Variants in NFATC3 observed in about 807,000 individuals in gnomAD.
NFATC3 encodes nuclear factor of activated T-cells, cytoplasmic 3.
In NFATC3, 46 loss-of-function variants were observed where a neutral mutation model predicts 98.6. The ratio of observed to expected loss-of-function variants is 0.47; its 90% confidence interval spans 0.37 to 0.60. NFATC3 has a LOEUF of 0.60. Among genes scored for constraint, NFATC3 ranks in the 20% least tolerant of loss-of-function variants. The pLI is 0.00. For synonymous variants in NFATC3, 512 were observed against 472.2 expected (o/e 1.08, Z -1.09); for missense variants, 1,256 against 1,295.5 (o/e 0.97, Z 0.47).
At chr16:68,118,952 C>T (rs1291468389) in intron 1 of NFATC3, among the ~76,000 whole-genome samples, 1 of 152,180 alleles carries the variant, frequency 6.6e-6, no homozygotes, top group Non-Finnish European at 1.5e-5. Flanking sequence ...ACTGCAAGCT[C>T]TGCCTCCTGG....
intron 8 of NFATC3, among the ~76,000 whole-genome samples, chr16:68,189,697 T>C (rs1421349984): frequency 6.6e-6 from 1 of 152,212 alleles, no homozygotes; most frequent in East Asian, 1.9e-4. Context: ...TGTTTTGTAG[T>C]TTTCAGTTAT....
chr16:68,167,218 A>G (rs1010706022), intron 5 of NFATC3, among the ~76,000 whole-genome samples: 8 of 152,320 alleles, frequency 5.3e-5, no homozygotes, highest in Admixed American at 2.6e-4. Flanking sequence ...TTCTCATGAT[A>G]GTTTGACTAG....
intron 9 of NFATC3, chr16:68,221,412 C>G: frequency 1.4e-6 from 2 of 1,454,526 alleles, no homozygotes; most frequent in Non-Finnish European, 9.1e-7. Flanking sequence ...TGTTGCAGTT[C>G]TGACTCCCTA....
At chr16:68,186,049 A>G (rs193210629) in intron 8 of NFATC3, among the ~76,000 whole-genome samples, 3 of 152,308 alleles carry the variant, frequency 2.0e-5, no homozygotes, top group Admixed American at 2.0e-4. Context: ...TATGGTTGAT[A>G]GATGACAAAT....
chr16:68,189,897 C>T (rs1046714379), intron 8 of NFATC3, among the ~76,000 whole-genome samples: 1 of 151,986 alleles, frequency 6.6e-6, no homozygotes, highest in African/African-American at 2.4e-5. Context: ...GACTTTGTCT[C>T]CACAAAAAAT....
chr16:68,193,850 AAC>A (rs1165470747), intron 9 of NFATC3, among the ~76,000 whole-genome samples: 12 of 152,146 alleles, frequency 7.9e-5, no homozygotes, highest in East Asian at 5.8e-4. Flanking sequence ...CAAGTCAGAT[AAC>A]ACAGCAGAAA....
At chr16:68,158,829 CTT>C (rs2038743975) in intron 4 of NFATC3, among the ~76,000 whole-genome samples, 1 of 152,164 alleles carries the variant, frequency 6.6e-6, no homozygotes, top group Admixed American at 6.5e-5. Flanking sequence ...GTCAAATCCT[CTT>C]TTAAGAACCT....
chr16:68,112,286 TTTTTTTTTTG>T (rs1255689827), intron 1 of NFATC3, among the ~76,000 whole-genome samples: 2 of 140,402 alleles, frequency 1.4e-5, no homozygotes, highest in Admixed American at 7.1e-5. Flanking sequence ...TTTTTTTTTT[TTTTTTTTTTG>T]AGATGGAGTC....
chr16:68,191,674 C>T lies in NFATC3; in HGVS notation c.3005C>T (p.Ser1002Leu), dbSNP rs772621755. 1.4e-5 allele frequency: 22 copies of T among 1,614,050 alleles called. No homozygotes were observed. Among genetic ancestry groups the T allele is most frequent in the Non-Finnish European group, 1.8e-5 (21 of 1,180,040 alleles). Residue 1002 changes from serine (S) to leucine (L), a missense_variant, in exon 9 of 10, where the codon TCA becomes TTA. Coordinates refer to ENST00000346183, the MANE Select transcript of NFATC3 (RefSeq NM_173165.3). ...LICHSLCDPASFPPDGATVSI... is the reference protein window; with the variant it reads ...LICHSLCDPALFPPDGATVSI... ...TGTCACAGTTTGTGTGATCCAGCGT[C>T]ATTTCCACCTGATGGGGCAACTGTG...
chr16:68,225,647 T>G (rs1806724312), intron 9 of NFATC3: 1 of 152,254 alleles, frequency 6.6e-6, no homozygotes, highest in Non-Finnish European at 1.5e-5. Context: ...TGTTTTCACT[T>G]CTCTTGTAAA....
At chr16:68,213,191 G>A (rs2041489893) in intron 9 of NFATC3, among the ~76,000 whole-genome samples, 1 of 150,986 alleles carries the variant, frequency 6.6e-6, no homozygotes, top group South Asian at 2.1e-4. Context: ...CGAGGTGGGT[G>A]GATCACAAGG....
rs191062378 is a variant in NFATC3 at position 68,112,643 on chromosome 16, T to A, written c.104-9344T>A. On this transcript the variant is annotated intron_variant, in intron 1 of 9. Coordinates refer to ENST00000346183, the MANE Select transcript of NFATC3 (RefSeq NM_173165.3). ...GTTCATTTCTTTTCATTTTTTCTTT[T>A]TCGTTTTTTTTTTTTTTTTTTTTTT... 5.7e-3 allele frequency among the ~76,000 whole-genome samples: 851 copies of A among 148,424 alleles called. 9 individuals carry two copies. The highest frequency in any genetic ancestry group is 0.014 in the Middle Eastern group (4 of 290).
chr16:68,221,800 A>G (rs2041874663), intron 9 of NFATC3: 1 of 163,368 alleles, frequency 6.1e-6, no homozygotes, highest in African/African-American at 2.4e-5. Flanking sequence ...GCAAAGGAAC[A>G]GCAGAGCTTT....
intron 1 of NFATC3, among the ~76,000 whole-genome samples, chr16:68,086,284 A>G (rs1384058372): frequency 6.6e-6 from 1 of 152,072 alleles, no homozygotes; most frequent in Non-Finnish European, 1.5e-5. Flanking sequence ...GTTAACGTCC[A>G]CTCGTGCAAG....
At chr16:68,155,966 C>T (rs1334593786) in intron 3 of NFATC3, among the ~76,000 whole-genome samples, 5 of 151,966 alleles carry the variant, frequency 3.3e-5, no homozygotes, top group African/African-American at 9.7e-5. Context: ...AGGTGGATTC[C>T]GTATACATGA....
At chr16:68,133,111 C>A (rs150881084) in intron 3 of NFATC3, among the ~76,000 whole-genome samples, 6 of 151,962 alleles carry the variant, frequency 3.9e-5, no homozygotes, top group East Asian at 1.9e-4. Flanking sequence ...ATTAAAAATA[C>A]AAAAATTAAC....
At chr16:68,154,142 A>G (rs1214941899) in intron 3 of NFATC3, among the ~76,000 whole-genome samples, 1 of 144,852 alleles carries the variant, frequency 6.9e-6, no homozygotes, top group Admixed American at 6.9e-5. Flanking sequence ...CTGGTCTTGA[A>G]CTCCTGGCCT....
At chr16:68,189,521 T>G (rs2151110266) in intron 8 of NFATC3, 1 of 154,968 alleles carries the variant, frequency 6.5e-6, no homozygotes, top group East Asian at 1.8e-4. Context: ...GAGACTTTGA[T>G]AGGGATTACA....
At chr16:68,172,571 A>T (rs2151608778) in intron 5 of NFATC3, among the ~76,000 whole-genome samples, 1 of 152,236 alleles carries the variant, frequency 6.6e-6, no homozygotes, top group Non-Finnish European at 1.5e-5. Flanking sequence ...GCTTGAGCCC[A>T]GGAGTTGGAG....
Sources: gnomAD v4.1 joint callset for allele counts (sites outside exome capture counted in the v4.1 genomes callset) on GRCh38, gnomAD v4.1.1 for gene constraint, MANE v1.5 for transcripts, NCBI Gene and HGNC (gene_info 2026-07-23, HGNC 2026-07-21) for gene names.